Variants in RPH3A observed in about 807,000 individuals in gnomAD.
The protein encoded by RPH3A is rabphilin-3A.
A neutral mutation model predicts 102.2 loss-of-function variants in RPH3A; 48 were observed. That is an observed-to-expected ratio of 0.47 (90% CI 0.37 to 0.60). The LOEUF (loss-of-function observed/expected upper bound fraction) is 0.60, where lower values mean the gene tolerates loss of function less well. Among genes scored for constraint, RPH3A ranks in the 20% least tolerant of loss-of-function variants. The pLI is 0.00. For synonymous variants in RPH3A, 310 were observed against 324.3 expected (o/e 0.96, Z 0.47); for missense variants, 781 against 910.1 (o/e 0.86, Z 1.83).
At chr12:112,876,581 A>T in intron 12 of RPH3A, 61 bp from the exon 13 acceptor site, 1 of 1,189,722 alleles carries the variant, frequency 8.4e-7, no homozygotes, top group Non-Finnish European at 1.2e-6. Flanking sequence ...AAATGTCCCT[A>T]GGTGCTGCTG....
At chr12:112,601,383 C>A (rs1029798889) in intron 1 of RPH3A, among the ~76,000 whole-genome samples, 1 of 152,076 alleles carries the variant, frequency 6.6e-6, no homozygotes, top group Non-Finnish European at 1.5e-5. Context: ...CTTTTATAAT[C>A]TTTTGCACAG....
chr12:112,721,689 A>T (rs1322643937), intron 1 of RPH3A, among the ~76,000 whole-genome samples: 1 of 151,374 alleles, frequency 6.6e-6, no homozygotes, highest in Admixed American at 6.6e-5. Context: ...ATTTCAACTC[A>T]ATGGCAAGAG....
At chr12:112,829,976 G>A (rs1270891904) in intron 3 of RPH3A, among the ~76,000 whole-genome samples, 1 of 152,220 alleles carries the variant, frequency 6.6e-6, no homozygotes, top group Non-Finnish European at 1.5e-5. Context: ...TTGGAAAGGA[G>A]ATTGAAATGG....
intron 1 of RPH3A, among the ~76,000 whole-genome samples, chr12:112,672,844 C>T (rs1425615091): frequency 6.6e-6 from 1 of 152,180 alleles, no homozygotes; most frequent in Admixed American, 6.5e-5. Context: ...CCTCCCAGCG[C>T]AGGTGCATGG....
intron 1 of RPH3A, among the ~76,000 whole-genome samples, chr12:112,777,234 C>T (rs1035997467): frequency 6.6e-6 from 1 of 152,214 alleles, no homozygotes; most frequent in Non-Finnish European, 1.5e-5. Context: ...ACAGGAGGCA[C>T]TCAGCAAATA....
At chr12:112,885,706 TTAAAA>T (rs2042991999) in intron 16 of RPH3A, among the ~76,000 whole-genome samples, 2 of 152,104 alleles carry the variant, frequency 1.3e-5, no homozygotes, top group Non-Finnish European at 2.9e-5. Flanking sequence ...TTTAAATGGG[TTAAAA>T]TAAATGTCTT....
intron 2 of RPH3A, among the ~76,000 whole-genome samples, chr12:112,812,270 G>C (rs1453741695): frequency 6.6e-6 from 1 of 152,152 alleles, no homozygotes; most frequent in Non-Finnish European, 1.5e-5. Context: ...GGAAAGGATG[G>C]CTCCTTTAAA....
chr12:112,841,173 T>TTA (rs535321182), intron 4 of RPH3A, among the ~76,000 whole-genome samples: 4 of 33,370 alleles, frequency 1.2e-4, no homozygotes, highest in African/African-American at 5.5e-4. Context: ...CCTTGTTTCT[T>TTA]AAAAAAAAAA....
At chr12:112,716,141 C>T (rs2040511884) in intron 1 of RPH3A, among the ~76,000 whole-genome samples, 1 of 152,120 alleles carries the variant, frequency 6.6e-6, no homozygotes, top group South Asian at 2.1e-4. Flanking sequence ...TAGGTTTTGG[C>T]CGCCTCCCTT....
chr12:112,844,472 C>T (rs2042198158), intron 4 of RPH3A, among the ~76,000 whole-genome samples: 1 of 152,190 alleles, frequency 6.6e-6, no homozygotes. Flanking sequence ...GAAGCTAATT[C>T]TTCCCCTATC....
At chr12:112,662,612 A>G (rs771951822) in intron 1 of RPH3A, among the ~76,000 whole-genome samples, 4 of 152,166 alleles carry the variant, frequency 2.6e-5, no homozygotes, top group Admixed American at 2.0e-4. Flanking sequence ...TGCAAACTAT[A>G]TGGTTTCTCT....
At chr12:112,859,260 A>C (rs1565924385) in intron 5 of RPH3A, among the ~76,000 whole-genome samples, 1 of 152,236 alleles carries the variant, frequency 6.6e-6, no homozygotes, top group East Asian at 1.9e-4. Context: ...GCTGCAGCTC[A>C]TCTAACCCCT....
At chr12:112,713,668 G>T (rs995893708) in intron 1 of RPH3A, among the ~76,000 whole-genome samples, 6 of 152,162 alleles carry the variant, frequency 3.9e-5, no homozygotes, top group African/African-American at 1.2e-4. Flanking sequence ...AGTCAGAAAA[G>T]AGTCCCACCA....
intron 1 of RPH3A, among the ~76,000 whole-genome samples, chr12:112,727,258 G>T (rs929662889): frequency 2.6e-5 from 4 of 151,144 alleles, no homozygotes; most frequent in Admixed American, 6.6e-5. Flanking sequence ...ATTACAGGTG[G>T]CACATGCCTG....
chr12:112,671,954 T>G (rs1038394910), intron 1 of RPH3A, among the ~76,000 whole-genome samples: 2 of 151,430 alleles, frequency 1.3e-5, no homozygotes, highest in Non-Finnish European at 2.9e-5. Flanking sequence ...ATGTCCAAAA[T>G]GTAGTGGCTT....
At chr12:112,812,099 G>C (rs1593030250) in intron 2 of RPH3A, among the ~76,000 whole-genome samples, 1 of 151,966 alleles carries the variant, frequency 6.6e-6, no homozygotes, top group Non-Finnish European at 1.5e-5. Context: ...ACAAAAGTCT[G>C]AGCATTGAGT....
chr12:112,814,130 T>A (rs1257317074), intron 2 of RPH3A, among the ~76,000 whole-genome samples: 1 of 151,130 alleles, frequency 6.6e-6, no homozygotes, highest in Non-Finnish European at 1.5e-5. Flanking sequence ...GGGATGTGAG[T>A]GTGTGTATGT....
chr12:112,648,591 A>AAAAAAAAAAAAAAAAAAAAAAG (rs1566241874), intron 1 of RPH3A, among the ~76,000 whole-genome samples: 1 of 134,066 alleles, frequency 7.5e-6, no homozygotes, highest in Non-Finnish European at 1.6e-5. Flanking sequence ...AAAAAAAAAA[A>AAAAAAAAAAAAAAAAAAAAAAG]AAAAAAAGCT....
At chr12:112,893,448 T>C (rs552591626) in intron 19 of RPH3A, 7 of 152,346 alleles carry the variant, frequency 4.6e-5, no homozygotes, top group Non-Finnish European at 1.0e-4. Flanking sequence ...AGAATCCAAA[T>C]GTCCCAGCCC....
Sources: allele counts gnomAD v4.1 joint callset (sites outside exome capture counted in the v4.1 genomes callset), GRCh38; gene constraint gnomAD v4.1.1; transcripts MANE v1.5; gene names NCBI Gene and HGNC (gene_info 2026-07-23, HGNC 2026-07-21).